Variants in MASP2 observed in about 807,000 individuals in gnomAD.
MASP2 encodes mannan-binding lectin serine protease 2.
Under a neutral mutation model 57.1 loss-of-function variants are expected in MASP2, and 49 were observed. That is an observed-to-expected ratio of 0.86 (90% CI 0.68 to 1.09). MASP2 has a LOEUF of 1.09. Among genes scored for constraint, MASP2 ranks in the 50% least tolerant of loss-of-function variants. The probability of loss-of-function intolerance (pLI) is 0.00; values close to 1 mark genes in which losing one functional copy is unlikely to be tolerated. For synonymous variants in MASP2, 379 were observed against 340.8 expected (o/e 1.11, Z -1.24); for missense variants, 900 against 874.8 (o/e 1.03, Z -0.36).
intron 10 of MASP2, among the ~76,000 whole-genome samples, chr1:11,028,861 A>C (rs1189464653): frequency 1.3e-4 from 18 of 136,962 alleles, no homozygotes; most frequent in South Asian, 4.6e-4. Context: ...CTACAGGCAC[A>C]CGCCACCACA....
At chr1:11,029,168 AT>A (rs145611326) in intron 10 of MASP2, among the ~76,000 whole-genome samples, 102,036 of 143,794 alleles carry the variant, frequency 0.71, 38,101 homozygotes, top group East Asian at 0.86. Flanking sequence ...AATTTTTTGT[AT>A]TTTTTTTTTT....
rs777918417 is a variant in MASP2 at position 11,043,403 on chromosome 1, T to C, written c.677A>G (p.Asp226Gly). The change falls in exon 5 of 11, where the codon GAC becomes GGC. Residue 226 changes from aspartate (D) to glycine (G), a missense_variant. By Grantham distance (94) the Asp-to-Gly change is moderately conservative. Coordinates refer to ENST00000400897, the MANE Select transcript of MASP2 (RefSeq NM_006610.4). ...CTCCACATCGAAGGACTCCACAAAG[T>C]CCAGAATGACACTGAACCCCTCCTC... The part of the protein sequence containing the change: ...SLEEGFSVIL[D>G]FVESFDVETH... 3.7e-6 allele frequency: 6 copies of C among 1,610,626 alleles called. No homozygotes were observed. The African/African-American group carries it at 8.0e-5, about 21-fold the overall frequency.
At chr1:11,044,758 G>A (rs1387921252) in intron 4 of MASP2, 16 of 1,482,358 alleles carry the variant, frequency 1.1e-5, no homozygotes, top group South Asian at 7.6e-5. Context: ...GCACCCCGCC[G>A]CCTCCCGACC....
chr1:11,041,997 C>T (rs1235358025), intron 6 of MASP2, among the ~76,000 whole-genome samples: 1 of 124,156 alleles, frequency 8.1e-6, no homozygotes, highest in Admixed American at 8.2e-5. Flanking sequence ...TGGATGGGTG[C>T]ATGGATGGAT....
At chr1:11,029,919 C>T (rs1437475928) in intron 10 of MASP2, 1 of 307,424 alleles carries the variant, frequency 3.3e-6, no homozygotes, top group East Asian at 6.8e-5. Context: ...CCACACCTGG[C>T]CTAAAAATCA....
chr1:11,037,644 C>T (rs1638283592), intron 7 of MASP2, 49 bp downstream of exon 7: 1 of 1,171,880 alleles, frequency 8.5e-7, no homozygotes, highest in Admixed American at 2.2e-5. Context: ...AATATGTTTA[C>T]ATTTCAAAGC....
chr1:11,027,188 C>A lies in MASP2; in HGVS notation c.1758G>T (p.Met586Ile), dbSNP rs1350607798. ...TQRGFLARNL[M>I]YVDIPIVDHQ... ...GGTCAACAATCGGTATGTCGACATA[C>A]ATTAGATTTCTAGCAAGAAAACCCC... The change falls in exon 11 of 11, where the codon ATG becomes ATT. Residue 586 changes from methionine (M) to isoleucine (I), a missense_variant. Physicochemically the swap from Met to Ile is conservative, Grantham distance 10. Transcript: ENST00000400897. 2.5e-6 allele frequency: 4 copies of A among 1,614,176 alleles called. No individual in the cohort carries two copies. Among genetic ancestry groups the A allele is most frequent in the Non-Finnish European group, 3.4e-6 (4 of 1,180,036 alleles).
chr1:11,035,545 T>TCAC (rs1643880632), intron 7 of MASP2, among the ~76,000 whole-genome samples: 1 of 149,832 alleles, frequency 6.7e-6, no homozygotes, highest in Non-Finnish European at 1.5e-5. Flanking sequence ...ATCATCATCA[T>TCAC]CATCATCATC....
rs1638633370 is a variant in MASP2 at position 11,046,230 on chromosome 1, C to G, written c.412+326G>C. On this transcript the variant is annotated intron_variant, in intron 3 of 10. Coordinates refer to ENST00000400897, the MANE Select transcript of MASP2 (RefSeq NM_006610.4). Reference sequence around the variant, plus strand: ...GTTTCACCGTGTTGCCCTGGCTGGCCTTGAACTCCTGACCTCAAATGATCA... The same window carrying G: ...GTTTCACCGTGTTGCCCTGGCTGGCGTTGAACTCCTGACCTCAAATGATCA... 4 of 407,698 alleles carry G rather than the reference C, an allele frequency of 9.8e-6. No individual in the cohort carries two copies. In the Admixed American group the frequency reaches 1.5e-4, roughly 15 times the overall value. The allele number at this position is 407,698 out of a possible 1,614,324, so 25.3% of individuals were successfully genotyped here.
In MASP2 at chr1:11,028,697, G is replaced by GTTTTT. The variant is rs1208974169; in HGVS notation, c.1298-1054_1298-1050dup. On this transcript the variant is annotated intron_variant, in intron 10 of 10. Transcript: ENST00000400897. ...AATTAATATATTACTATCTTTCTGGGTTTTTTTTCTTTTTTTTTTTTTTTT... is the reference window on the plus strand; with the variant it reads ...AATTAATATATTACTATCTTTCTGGGTTTTTTTTTTTTTCTTTTTTTTTTTTTTTT... Among the ~76,000 whole-genome samples, 209 of 36,114 alleles carry GTTTTT rather than the reference G, an allele frequency of 5.8e-3. 9 individuals carry two copies. The highest frequency in any genetic ancestry group is 0.023 in the African/African-American group (175 of 7,620). The allele number at this position is 36,114 out of a possible 152,430, so 23.7% of individuals were successfully genotyped here.
At chr1:11,041,867 TGGGTGGA>T (rs1332551810) in intron 6 of MASP2, among the ~76,000 whole-genome samples, 1 of 143,810 alleles carries the variant, frequency 7.0e-6, no homozygotes, top group Non-Finnish European at 1.5e-5. Flanking sequence ...GAAGGATGGG[TGGGTGGA>T]AGGATGGGTG....
chr1:11,046,818 G>A (rs1638655626), intron 2 of MASP2, 73 bp downstream of exon 2: 3 of 1,547,008 alleles, frequency 1.9e-6, no homozygotes, highest in Middle Eastern at 1.7e-4. Flanking sequence ...GCTCCCAGGT[G>A]TCCCTGAACC....
chr1:11,039,372 G>T (rs367737880), intron 6 of MASP2, among the ~76,000 whole-genome samples: 1 of 73,900 alleles, frequency 1.4e-5, no homozygotes, highest in Admixed American at 1.5e-4. Context: ...ATGGATGGAT[G>T]GATGGATAGA....
In MASP2 at chr1:11,042,304, A is replaced by C. The variant is rs1638483665; in HGVS notation, c.889+571T>G. On this transcript the variant is annotated intron_variant, in intron 6 of 10. Transcript: ENST00000400897. Reference sequence around the variant, plus strand: ...AATAGAAGAATGGGTGGGTAGAAGGATAGGTGAATGAATAGATGGATAGCT... The same window carrying C: ...AATAGAAGAATGGGTGGGTAGAAGGCTAGGTGAATGAATAGATGGATAGCT... Among the ~76,000 whole-genome samples the C allele has an allele frequency of 4.6e-5, 7 of 150,904 alleles. No individual in the cohort carries two copies. The South Asian group carries it at 1.5e-3, about 32-fold the overall frequency.
chr1:11,036,751 G>A (rs1387795690), intron 7 of MASP2, among the ~76,000 whole-genome samples: 3 of 151,256 alleles, frequency 2.0e-5, no homozygotes, highest in African/African-American at 7.3e-5. Context: ...TAAAGAGGAC[G>A]TGTTAATTTC....
chr1:11,032,280 A>T (rs943880066), intron 8 of MASP2, among the ~76,000 whole-genome samples: 2 of 152,154 alleles, frequency 1.3e-5, no homozygotes, highest in South Asian at 2.1e-4. Flanking sequence ...TTGCTCACAC[A>T]TGTGAATTGT....
rs137979856 is a variant in MASP2 at position 11,044,349 on chromosome 1, C to A, written c.545-814G>T. On this transcript the variant is annotated intron_variant, in intron 4 of 10. Coordinates refer to ENST00000400897, the MANE Select transcript of MASP2 (RefSeq NM_006610.4). ...CTTGGTCCCCATCCCATACCACCACCCCACCCCCAGCTGCAGTGGGGGGCA... is the reference window on the plus strand; with the variant it reads ...CTTGGTCCCCATCCCATACCACCACACCACCCCCAGCTGCAGTGGGGGGCA... 3.3e-4 allele frequency among the ~76,000 whole-genome samples: 51 copies of A among 152,274 alleles called. 1 individual carries two copies. The highest frequency in any genetic ancestry group is 1.2e-3 in the African/African-American group (50 of 41,554).
intron 7 of MASP2, among the ~76,000 whole-genome samples, chr1:11,036,366 C>T (rs867149361): frequency 2.9e-4 from 44 of 149,374 alleles, no homozygotes; most frequent in South Asian, 1.7e-3. Flanking sequence ...TAGCCGGGCG[C>T]GGTGGCGGGC....
rs1395230775 is a variant in MASP2 at position 11,042,866 on chromosome 1, C to A, written c.889+9G>T. ...GCTTCCAGCCAAGATCTGAGACCCA[C>A]TTGCTCACCTGTGCTCGTGTAGTGG... On this transcript the variant is annotated intron_variant, in intron 6 of 10. Transcript: ENST00000400897. 1 of 1,613,400 alleles carries A rather than the reference C, an allele frequency of 6.2e-7. No individual in the cohort carries two copies. Among genetic ancestry groups the A allele is most frequent in the South Asian group, 1.1e-5 (1 of 91,060 alleles).
Sources: allele counts gnomAD v4.1 joint callset (sites outside exome capture counted in the v4.1 genomes callset), GRCh38; gene constraint gnomAD v4.1.1; transcripts MANE v1.5; gene names NCBI Gene and HGNC (gene_info 2026-07-23, HGNC 2026-07-21).